The following CNTNAP5 variants were observed in gnomAD, a reference collection of about 807,000 sequenced individuals.
The protein encoded by CNTNAP5 is contactin-associated protein-like 5.
In CNTNAP5, 72 loss-of-function variants were observed where a neutral mutation model predicts 150.2. That is an observed-to-expected ratio of 0.48 (90% CI 0.40 to 0.58). CNTNAP5 has a LOEUF of 0.58. Among genes scored for constraint, CNTNAP5 ranks in the 20% least tolerant of loss-of-function variants. CNTNAP5 has a pLI of 0.00. For missense variants in CNTNAP5, 1,636 were observed against 1,626.2 expected, an observed-to-expected ratio of 1.01 and a Z score of -0.10; for synonymous variants, 672 against 619.8, an observed-to-expected ratio of 1.08 and a Z score of -1.25.
chr2:124,256,194 G>A (rs145057190), intron 3 of CNTNAP5, among the ~76,000 whole-genome samples: 8 of 152,104 alleles, frequency 5.3e-5, no homozygotes, highest in Admixed American at 1.3e-4. Flanking sequence ...AAAAACCTTC[G>A]TTCGGATAAT....
intron 3 of CNTNAP5, among the ~76,000 whole-genome samples, chr2:124,319,360 T>A (rs942841346): frequency 5.9e-5 from 9 of 152,236 alleles, no homozygotes; most frequent in African/African-American, 1.7e-4. Context: ...GAAGGGTCTC[T>A]CATTCCCTGT....
chr2:124,466,354 T>A (rs1169004659), intron 6 of CNTNAP5, among the ~76,000 whole-genome samples: 2 of 152,118 alleles, frequency 1.3e-5, no homozygotes, highest in Non-Finnish European at 2.9e-5. Context: ...TAAAATTTGA[T>A]GGTTTCCTGT....
At chr2:124,828,362 T>G (rs1330858954) in intron 19 of CNTNAP5, among the ~76,000 whole-genome samples, 1 of 151,938 alleles carries the variant, frequency 6.6e-6, no homozygotes. Flanking sequence ...GCACCTGTAG[T>G]CCCAGTTACT....
At chr2:124,695,634 A>C (rs987787325) in intron 13 of CNTNAP5, among the ~76,000 whole-genome samples, 42 of 152,300 alleles carry the variant, frequency 2.8e-4, no homozygotes, top group African/African-American at 8.9e-4. Flanking sequence ...TGGGATGCAA[A>C]GGGTATGTTA....
At chr2:124,287,461 A>G (rs539912487) in intron 3 of CNTNAP5, among the ~76,000 whole-genome samples, 2 of 152,290 alleles carry the variant, frequency 1.3e-5, no homozygotes, top group Admixed American at 6.5e-5. Flanking sequence ...CCCTCTCTCA[A>G]TTTATACTGA....
chr2:124,541,087 C>A (rs1359942763), intron 10 of CNTNAP5, among the ~76,000 whole-genome samples: 2 of 151,328 alleles, frequency 1.3e-5, no homozygotes, highest in Non-Finnish European at 2.9e-5. Flanking sequence ...GAACCTCTGG[C>A]TGATGACTGT....
intron 19 of CNTNAP5, among the ~76,000 whole-genome samples, chr2:124,836,320 G>T (rs1682828137): frequency 6.6e-6 from 1 of 152,116 alleles, no homozygotes; most frequent in Non-Finnish European, 1.5e-5. Context: ...AAGCTAATAT[G>T]TTAGGACAGA....
At chr2:124,615,917 T>C (rs186226685) in intron 12 of CNTNAP5, among the ~76,000 whole-genome samples, 201 of 152,312 alleles carry the variant, frequency 1.3e-3, no homozygotes, top group African/African-American at 4.7e-3. Flanking sequence ...TGGTTCATTG[T>C]CCATAAGCAG....
intron 19 of CNTNAP5, among the ~76,000 whole-genome samples, chr2:124,861,286 A>T (rs1677518838): frequency 6.6e-6 from 1 of 152,068 alleles, no homozygotes; most frequent in South Asian, 2.1e-4. Flanking sequence ...AAAAATAATG[A>T]TGCTGGCCAG....
chr2:124,898,733 T>C (rs1483800912), intron 21 of CNTNAP5, among the ~76,000 whole-genome samples: 2 of 151,528 alleles, frequency 1.3e-5, no homozygotes, highest in African/African-American at 2.4e-5. Context: ...ATCTACACCA[T>C]AGTTCTAAAT....
At chr2:124,366,771 A>C (rs991956038) in intron 3 of CNTNAP5, among the ~76,000 whole-genome samples, 2 of 152,202 alleles carry the variant, frequency 1.3e-5, no homozygotes, top group African/African-American at 4.8e-5. Flanking sequence ...AGAGCCCTTC[A>C]AATTTGTCCA....
chr2:124,398,100 A>G (rs1573966436), intron 3 of CNTNAP5, among the ~76,000 whole-genome samples: 1 of 152,198 alleles, frequency 6.6e-6, no homozygotes, highest in African/African-American at 2.4e-5. Context: ...GTTTCTGGGA[A>G]CAACCATATA....
chr2:124,510,494 T>C (rs1156687839), intron 8 of CNTNAP5, among the ~76,000 whole-genome samples: 1 of 121,928 alleles, frequency 8.2e-6, no homozygotes, highest in African/African-American at 3.0e-5. Context: ...TATATATATA[T>C]ATATATATAT....
rs112651430 is a variant in CNTNAP5, at chr2:124,748,297, C to T, written c.2234+912C>T. Among the ~76,000 whole-genome samples the T allele has an allele frequency of 7.7e-3, 1,166 of 152,186 alleles. 27 individuals are homozygous for T. The highest frequency in any genetic ancestry group is 0.026 in the African/African-American group (1,081 of 41,526). On this transcript the variant is annotated intron_variant, in intron 14 of 23. Transcript: ENST00000682447. ...AAACATGTCTGTCAAGTGATAGATACAGAATCAGAAATCAGCCATTTCTGC... is the reference window on the plus strand; with the variant it reads ...AAACATGTCTGTCAAGTGATAGATATAGAATCAGAAATCAGCCATTTCTGC...
At chr2:124,706,313 G>A (rs1212469080) in intron 13 of CNTNAP5, among the ~76,000 whole-genome samples, 1 of 152,192 alleles carries the variant, frequency 6.6e-6, no homozygotes. Flanking sequence ...CACAGCTAAA[G>A]CATGATGCAA....
At chr2:124,625,459 G>A (rs180678579) in intron 12 of CNTNAP5, among the ~76,000 whole-genome samples, 121 of 152,294 alleles carry the variant, frequency 7.9e-4, no homozygotes, top group Admixed American at 1.9e-3. Context: ...ACATAGTATA[G>A]TATACATAGT....
intron 12 of CNTNAP5, among the ~76,000 whole-genome samples, chr2:124,626,841 A>G (rs1677733845): frequency 6.6e-6 from 1 of 152,026 alleles, no homozygotes; most frequent in African/African-American, 2.4e-5. Context: ...AGCAGTCTGG[A>G]GTTGGCCTGG....
intron 1 of CNTNAP5, among the ~76,000 whole-genome samples, chr2:124,068,670 G>C (rs1682223909): frequency 6.6e-6 from 1 of 151,692 alleles, no homozygotes; most frequent in Admixed American, 6.6e-5. Flanking sequence ...ACACCAGGTA[G>C]CACAACTCAC....
intron 13 of CNTNAP5, among the ~76,000 whole-genome samples, chr2:124,689,844 A>G (rs537721094): frequency 2.0e-5 from 3 of 152,168 alleles, no homozygotes; most frequent in East Asian, 1.9e-4. Context: ...AATTAGCATT[A>G]CTTCTTTTCT....
Sources: gnomAD v4.1 joint callset for allele counts (sites outside exome capture counted in the v4.1 genomes callset) on GRCh38, gnomAD v4.1.1 for gene constraint, MANE v1.5 for transcripts, NCBI Gene and HGNC (gene_info 2026-07-23, HGNC 2026-07-21) for gene names.